RBFOX1: variants seen among roughly 807,000 people sequenced by gnomAD.
RBFOX1 encodes RNA binding fox-1 homolog 1.
RBFOX1 carries 8 observed loss-of-function variants against 57.7 expected under a neutral mutation model. The observed-to-expected ratio is 0.14, with a 90% confidence interval of 0.08 to 0.25. RBFOX1 has a LOEUF of 0.25. RBFOX1 is among the 10% of genes least tolerant of loss of function. The pLI is 1.00. For synonymous variants in RBFOX1, 326 were observed against 222.4 expected (o/e 1.47, Z -4.15); for missense variants, 611 against 548.5 (o/e 1.11, Z -1.14).
intron 9 of RBFOX1, among the ~76,000 whole-genome samples, chr16:7,606,976 A>G (rs1329333063): frequency 1.3e-5 from 2 of 152,212 alleles, no homozygotes; most frequent in Non-Finnish European, 2.9e-5. Context: ...AATTAAAATT[A>G]TTATAGTAGT....
At chr16:7,639,312 C>A (rs191828504) in intron 11 of RBFOX1, among the ~76,000 whole-genome samples, 15 of 152,276 alleles carry the variant, frequency 9.9e-5, no homozygotes, top group Admixed American at 3.3e-4. Flanking sequence ...CTGGGCTGGA[C>A]CCTTCCCATC....
intron 4 of RBFOX1, among the ~76,000 whole-genome samples, chr16:7,394,184 C>A (rs185554318): frequency 7.9e-6 from 1 of 127,246 alleles, no homozygotes; most frequent in African/African-American, 3.0e-5. Context: ...TGTAGTGAGC[C>A]AAGATCGTGC....
At chr16:6,789,438 G>A (rs1461611973) in intron 3 of RBFOX1, among the ~76,000 whole-genome samples, 2 of 152,142 alleles carry the variant, frequency 1.3e-5, no homozygotes, top group East Asian at 1.9e-4. Flanking sequence ...GAAGCGTGTG[G>A]AAGGCGAGAG....
chr16:7,687,107 C>T (rs1007425208), intron 14 of RBFOX1, among the ~76,000 whole-genome samples: 6 of 152,052 alleles, frequency 3.9e-5, no homozygotes, highest in Non-Finnish European at 8.8e-5. Context: ...CCTTTGAGAG[C>T]TTTCTATAAT....
In RBFOX1 at chr16:5,626,527, G is replaced by A. The variant is rs147506673; in HGVS notation, c.318+27566G>A. ...AGGACTTTAACATATGAATTCTGGC[G>A]GAACACAGTTCAGCCCGTAGTGGAC... On this transcript the variant is annotated intron_variant, in intron 3 of 19. Transcript: ENST00000641259. 1.1e-4 allele frequency among the ~76,000 whole-genome samples: 17 copies of A among 152,128 alleles called. No homozygotes were observed. In the East Asian group the frequency reaches 1.9e-3, roughly 17 times the overall value.
chr16:6,019,928 C>T lies in RBFOX1; in HGVS notation c.-191C>T, dbSNP rs1011349511. 1.3e-6 allele frequency: 2 copies of T among 1,534,652 alleles called. No individual in the cohort carries two copies. The highest frequency in any genetic ancestry group is 1.2e-5 in the South Asian group (1 of 83,944). ...TGAGTGTGGCTGGGGGTGCAGAGAG[C>T]GCACGGGAATTCGGGGGTCTGGGGC... On this transcript the variant is annotated 5_prime_UTR_variant, in exon 1 of 16. Transcript: ENST00000550418. This position sits in a 1 kb window ranked among gnomAD's most constrained non-coding sequence, Gnocchi z 4.2.
intron 3 of RBFOX1, among the ~76,000 whole-genome samples, chr16:5,716,242 C>G (rs1166370234): frequency 6.6e-6 from 1 of 152,092 alleles, no homozygotes; most frequent in Non-Finnish European, 1.5e-5. Context: ...AAATCAGCGG[C>G]AAAAACTGCA....
chr16:6,538,241 A>C (rs556969849), intron 2 of RBFOX1, among the ~76,000 whole-genome samples: 18 of 152,302 alleles, frequency 1.2e-4, no homozygotes, highest in African/African-American at 4.3e-4. Context: ...CTGTAATCCC[A>C]GTACTTGGGA....
intron 4 of RBFOX1, among the ~76,000 whole-genome samples, chr16:7,329,796 T>C (rs2096660414): frequency 6.6e-6 from 1 of 152,172 alleles, no homozygotes; most frequent in Non-Finnish European, 1.5e-5. Context: ...TATTGTATCA[T>C]GGCGTTCTTA....
intron 1 of RBFOX1, among the ~76,000 whole-genome samples, chr16:5,294,328 C>T (rs1011068362): frequency 6.6e-6 from 1 of 152,152 alleles, no homozygotes; most frequent in African/African-American, 2.4e-5. Context: ...GGTTGCAGAG[C>T]CTGGGCACTG....
At chr16:5,991,056 G>C (rs532543492) in intron 4 of RBFOX1, among the ~76,000 whole-genome samples, 208 of 152,304 alleles carry the variant, frequency 1.4e-3, no homozygotes, top group African/African-American at 4.8e-3. Flanking sequence ...GAAAATTCTT[G>C]TGAAACAAGG....
intron 3 of RBFOX1, among the ~76,000 whole-genome samples, chr16:5,741,654 A>G (rs1323779689): frequency 6.6e-6 from 1 of 152,242 alleles, no homozygotes; most frequent in East Asian, 1.9e-4. Context: ...ATATATCACC[A>G]TTACATCAGA....
chr16:5,397,569 T>C (rs2066596284), intron 1 of RBFOX1, among the ~76,000 whole-genome samples: 1 of 152,188 alleles, frequency 6.6e-6, no homozygotes, highest in Non-Finnish European at 1.5e-5. Flanking sequence ...GATTGAAAAG[T>C]CATTTCTGAG....
intron 1 of RBFOX1, among the ~76,000 whole-genome samples, chr16:5,411,874 C>A (rs1008548599): frequency 6.6e-6 from 1 of 152,108 alleles, no homozygotes; most frequent in Non-Finnish European, 1.5e-5. Context: ...CAGAGTGAGA[C>A]CCTGTCTCAA....
chr16:6,940,848 A>AGTGTGTGTGTGTGTGT (rs1283880547), intron 3 of RBFOX1, among the ~76,000 whole-genome samples: 1 of 58,442 alleles, frequency 1.7e-5, no homozygotes, highest in African/African-American at 9.8e-5. Context: ...ATGTCCGGCT[A>AGTGTGTGTGTGTGTGT]GTCTGTGTGT....
intron 13 of RBFOX1, among the ~76,000 whole-genome samples, chr16:7,671,273 C>T (rs1053120568): frequency 2.0e-5 from 3 of 152,160 alleles, no homozygotes; most frequent in African/African-American, 7.2e-5. Context: ...AGGCAAGAAG[C>T]CATGAAATTA....
At chr16:5,739,723 G>A (rs1019691671) in intron 3 of RBFOX1, among the ~76,000 whole-genome samples, 1 of 152,202 alleles carries the variant, frequency 6.6e-6, no homozygotes, top group Non-Finnish European at 1.5e-5. Context: ...CTTGGGGCTG[G>A]GACAGGAAAT....
intron 1 of RBFOX1, among the ~76,000 whole-genome samples, chr16:6,287,527 C>T (rs1466997761): frequency 6.6e-6 from 1 of 152,102 alleles, no homozygotes; most frequent in African/African-American, 2.4e-5. Flanking sequence ...GTTCATGAGG[C>T]TCATCTAGCA....
intron 3 of RBFOX1, among the ~76,000 whole-genome samples, chr16:5,641,097 C>T (rs1463895220): frequency 6.7e-6 from 1 of 150,016 alleles, no homozygotes; most frequent in African/African-American, 2.5e-5. Flanking sequence ...GCACACCATG[C>T]ATACACATGC....
Sources: gnomAD v4.1 joint callset for allele counts (sites outside exome capture counted in the v4.1 genomes callset) on GRCh38, gnomAD v4.1.1 for gene constraint, Gnocchi (gnomAD v3.1) non-coding constraint, MANE v1.5 for transcripts, NCBI Gene and HGNC (gene_info 2026-07-23, HGNC 2026-07-21) for gene names.